The following TSPEAR variants were observed in gnomAD, a reference collection of about 807,000 sequenced individuals.
The protein encoded by TSPEAR is thrombospondin type laminin G domain and EAR repeats.
A neutral mutation model predicts 71.6 loss-of-function variants in TSPEAR; 69 were observed. The ratio of observed to expected loss-of-function variants is 0.96; its 90% CI spans 0.79 to 1.18. The LOEUF (loss-of-function observed/expected upper bound fraction) is 1.18. Ranked by LOEUF, TSPEAR falls within the 50% of genes most tolerant of loss-of-function variation. TSPEAR has a pLI of 0.00. For synonymous variants in TSPEAR, 402 were observed against 387.2 expected, an observed-to-expected ratio of 1.04 and a Z score of -0.45; for missense variants, 971 against 894.9, an observed-to-expected ratio of 1.09 and a Z score of -1.09.
In TSPEAR at chr21:44,546,157, C is replaced by G. The variant is rs2053300605; in HGVS notation, c.304-12234G>C. Among the ~76,000 whole-genome samples, 1 of 152,256 alleles carries G rather than the reference C, an allele frequency of 6.6e-6. No individual in the cohort carries two copies. Among genetic ancestry groups the G allele is most frequent in the Non-Finnish European group, 1.5e-5 (1 of 68,012 alleles). Reference sequence around the variant, plus strand: ...AATACTATGAAAATTTGTACACCAACAAATTAGATAACTAATATGTAATGG... The same window carrying G: ...AATACTATGAAAATTTGTACACCAAGAAATTAGATAACTAATATGTAATGG... On this transcript the variant is annotated intron_variant, in intron 2 of 11. Transcript: ENST00000323084. This position sits in a 1 kb window ranked among gnomAD's most constrained non-coding sequence, Gnocchi z 4.4.
chr21:44,693,207 C>T (rs991828278), intron 1 of TSPEAR, among the ~76,000 whole-genome samples: 1 of 152,064 alleles, frequency 6.6e-6, no homozygotes, highest in Non-Finnish European at 1.5e-5. Flanking sequence ...TAAAAATTAA[C>T]TCTAAATGGA....
chr21:44,551,650 CATT>C (rs1271383889), intron 2 of TSPEAR: 11 of 797,730 alleles, frequency 1.4e-5, no homozygotes, highest in Non-Finnish European at 2.1e-5. Flanking sequence ...GGAGGACCCT[CATT>C]ATTTCTGCTT....
At position 44,531,867 on chromosome 21, in the gene TSPEAR, C is replaced by T. The variant is rs587706958; in HGVS notation, c.543-734G>A. On this transcript the variant is annotated intron_variant, in intron 3 of 11. Transcript: ENST00000323084. ...CCGGAGATGGAGCAAGGTGGGTGCC[C>T]GCTGAGGGACAGCGTGGCTAGAGCT... 6.0e-4 allele frequency among the ~76,000 whole-genome samples: 91 copies of T among 152,342 alleles called. No individual in the cohort carries two copies. The South Asian group carries it at 6.8e-3, about 11-fold the overall frequency.
In TSPEAR at chr21:44,580,312, G is replaced by A. The variant is rs370111876; in HGVS notation, c.83-12307C>T. The A allele has an allele frequency of 5.9e-4, 956 of 1,613,780 alleles. No individual in the cohort carries two copies. Among genetic ancestry groups the A allele is most frequent in the Non-Finnish European group, 6.8e-4 (803 of 1,179,950 alleles). On this transcript the variant is annotated intron_variant, in intron 1 of 11. Transcript: ENST00000323084. ...ACACAGGCTTGCAGCAGACGGGCAC[G>A]CAGCAGGCCTGCTGGCAGGGGGAGG...
chr21:44,710,218 G>C lies in TSPEAR; in HGVS notation c.82+1215C>G, dbSNP rs1272820746. Among the ~76,000 whole-genome samples the C allele has an allele frequency of 6.6e-6, 1 of 152,160 alleles. No homozygotes were observed. The highest frequency in any genetic ancestry group is 1.5e-5 in the Non-Finnish European group (1 of 68,026). On this transcript the variant is annotated intron_variant, in intron 1 of 11. Transcript: ENST00000323084. This position sits in a 1 kb window ranked among gnomAD's most constrained non-coding sequence, Gnocchi z 4.6. ...TCTGCGACAAGCTGACTTGGCTCTC[G>C]TATTGTTTGCAGAATCACCCAGTTC...
chr21:44,638,027 G>C (rs148110670), intron 1 of TSPEAR: 7 of 1,613,242 alleles, frequency 4.3e-6, no homozygotes, highest in Non-Finnish European at 5.9e-6. Flanking sequence ...CACCTGCTGC[G>C]TGCCCGTCCC....
intron 1 of TSPEAR, among the ~76,000 whole-genome samples, chr21:44,572,392 C>T (rs587774966): frequency 1.3e-5 from 2 of 152,220 alleles, no homozygotes; most frequent in Non-Finnish European, 2.9e-5. Flanking sequence ...GCGGTGGTGT[C>T]GGGAAGCTGG....
At chr21:44,677,110 T>C in intron 1 of TSPEAR, 1 of 715,330 alleles carries the variant, frequency 1.4e-6, no homozygotes, top group Non-Finnish European at 2.6e-6. Flanking sequence ...TGCTTGGACC[T>C]TTTTGACCAC....
chr21:44,646,349 C>T, intron 1 of TSPEAR: 5 of 1,457,910 alleles, frequency 3.4e-6, no homozygotes, highest in Non-Finnish European at 4.6e-6. Context: ...CAACACATGC[C>T]AGGGAGGGAT....
chr21:44,594,479 G>A (rs782687957), intron 1 of TSPEAR, among the ~76,000 whole-genome samples: 1 of 152,156 alleles, frequency 6.6e-6, no homozygotes, highest in Non-Finnish European at 1.5e-5. Flanking sequence ...TTGCAAGACC[G>A]ACATTAAAGT....
chr21:44,605,865 G>T (rs1490312811), intron 1 of TSPEAR, among the ~76,000 whole-genome samples: 1 of 152,074 alleles, frequency 6.6e-6, no homozygotes, highest in Non-Finnish European at 1.5e-5. Context: ...AAAGCATAGT[G>T]GAAAATCTCC....
chr21:44,679,494 T>A (rs60154040), intron 1 of TSPEAR, among the ~76,000 whole-genome samples: 20,948 of 152,124 alleles, frequency 0.14, 1,575 homozygotes, highest in Non-Finnish European at 0.16. Flanking sequence ...ACAGACTCAA[T>A]GCAATCTCTA....
chr21:44,513,400 T>C (rs890936153), intron 9 of TSPEAR, among the ~76,000 whole-genome samples: 3 of 152,184 alleles, frequency 2.0e-5, no homozygotes, highest in African/African-American at 7.2e-5. Flanking sequence ...TTTAAGCACA[T>C]TAGGGACTCA....
chr21:44,703,067 C>A (rs187828534), intron 1 of TSPEAR, among the ~76,000 whole-genome samples: 13 of 152,292 alleles, frequency 8.5e-5, no homozygotes, highest in South Asian at 2.1e-4. Flanking sequence ...GGTCCCTGGC[C>A]CCCCCTGCCC....
chr21:44,580,806 T>C (rs1978922202), intron 1 of TSPEAR, among the ~76,000 whole-genome samples: 3 of 152,140 alleles, frequency 2.0e-5, no homozygotes, highest in African/African-American at 7.2e-5. Flanking sequence ...ATCTGTTTGT[T>C]TTTCCCTCAT....
intron 1 of TSPEAR, among the ~76,000 whole-genome samples, chr21:44,672,426 C>T (rs1253441833): frequency 2.6e-5 from 4 of 152,158 alleles, no homozygotes; most frequent in Admixed American, 6.5e-5. Flanking sequence ...AAAAATTAGC[C>T]GGGCGTGGTG....
At chr21:44,613,906 G>A (rs1300335654) in intron 1 of TSPEAR, among the ~76,000 whole-genome samples, 13 of 152,228 alleles carry the variant, frequency 8.5e-5, no homozygotes, top group African/African-American at 2.9e-4. Context: ...GGCCAGGCCT[G>A]GCCAGGTTCT....
At chr21:44,697,868 C>A (rs781851587) in intron 1 of TSPEAR, 1 of 1,603,668 alleles carries the variant, frequency 6.2e-7, no homozygotes, top group Non-Finnish European at 8.5e-7. Flanking sequence ...CTCCTGCCAG[C>A]CAAGCTGCGG....
chr21:44,529,775 G>C, intron 5 of TSPEAR, 23 bp downstream of exon 5: 2 of 1,613,094 alleles, frequency 1.2e-6, no homozygotes, highest in Non-Finnish European at 1.7e-6. Context: ...TTTGGTGTGG[G>C]GGCGGGTGGC....
Sources: gnomAD v4.1 joint callset for allele counts (sites outside exome capture counted in the v4.1 genomes callset) on GRCh38, gnomAD v4.1.1 for gene constraint, Gnocchi (gnomAD v3.1) non-coding constraint, MANE v1.5 for transcripts, NCBI Gene and HGNC (gene_info 2026-07-23, HGNC 2026-07-21) for gene names.